Variants in USP42 observed in about 807,000 individuals in gnomAD.
USP42 encodes the protein ubiquitin carboxyl-terminal hydrolase 42.
A neutral mutation model predicts 113.0 loss-of-function variants in USP42; 23 were observed. The ratio of observed to expected loss-of-function variants is 0.20; its 90% CI spans 0.15 to 0.29. The LOEUF (loss-of-function observed/expected upper bound fraction) is 0.29. Ranked by LOEUF, USP42 falls within the 10% of genes least tolerant of loss-of-function variation. USP42 has a pLI of 1.00. For missense variants in USP42, 2,174 were observed against 1,779.8 expected (o/e 1.22, Z -3.99); for synonymous variants, 933 against 699.0 (o/e 1.33, Z -5.28).
chr7:6,126,655 G>A (rs1024318036), intron 3 of USP42, among the ~76,000 whole-genome samples: 4 of 152,112 alleles, frequency 2.6e-5, no homozygotes, highest in Non-Finnish European at 4.4e-5. Context: ...TTGGGATATC[G>A]TGAGTGGAGC....
chr7:6,102,407 C>G (rs543052604), upstream of USP42, among the ~76,000 whole-genome samples: 21 of 150,286 alleles, frequency 1.4e-4, no homozygotes, highest in Middle Eastern at 0.014. Flanking sequence ...CCACCACGCC[C>G]AGATTCTACT....
In USP42 at chr7:6,150,017, T is replaced by C; in HGVS notation, c.1821T>C (p.Tyr607=). ...TGAACTCCAGCGTGCTGGTGCCCTA[T>C]GGCGCCGAGTCCTCTGAGGACTCTG... The part of the protein sequence containing the change: ...SKLNSSVLVP[Y]GAESSEDSDE... Residue 607 remains tyrosine (Y), a synonymous_variant, in exon 13 of 18, where the codon TAT becomes TAC. Transcript: ENST00000306177. 6.2e-7 allele frequency: 1 copy of C among 1,612,918 alleles called. No individual in the cohort carries two copies.
the USP42 span, among the ~76,000 whole-genome samples, chr7:6,083,144 C>G: frequency 2.7e-5 from 4 of 149,382 alleles, no homozygotes; most frequent in East Asian, 3.9e-4. Context: ...AGGCTGGTCT[C>G]GAACTCCTGA....
At chr7:6,105,328 C>T (rs1351139380) in intron 1 of USP42, among the ~76,000 whole-genome samples, 1 of 148,032 alleles carries the variant, frequency 6.8e-6, no homozygotes, top group African/African-American at 2.4e-5. Flanking sequence ...CCCCTGGTTG[C>T]CATGGACACT....
intron 3 of USP42, among the ~76,000 whole-genome samples, chr7:6,120,893 A>C (rs776145860): frequency 6.6e-6 from 1 of 152,148 alleles, no homozygotes; most frequent in Non-Finnish European, 1.5e-5. Context: ...TGGAATAAAT[A>C]TTTTCATTAA....
At chr7:6,101,086 AG>A (rs1790114577), upstream of USP42, among the ~76,000 whole-genome samples, 1 of 150,992 alleles carries the variant, frequency 6.6e-6, no homozygotes, top group Admixed American at 6.6e-5. Context: ...AGGTAATGAA[AG>A]GAAAGGGCAG....
intron 14 of USP42, among the ~76,000 whole-genome samples, chr7:6,152,255 C>T (rs747549188): frequency 4.6e-5 from 7 of 152,154 alleles, no homozygotes; most frequent in South Asian, 2.1e-4. Context: ...CGGTGCCAGG[C>T]GCGGGTTCAT....
chr7:6,149,830 C>A lies in USP42; in HGVS notation c.1634C>A (p.Ser545Tyr), dbSNP rs781454564. Residue 545 changes from serine (S) to tyrosine (Y), a missense_variant, in exon 13 of 18, where the codon TCT becomes TAT. Coordinates refer to ENST00000306177, the MANE Select transcript of USP42 (RefSeq NM_032172.3). ...TCTCAACCTAACCTTCATAGTAATT[C>A]TTTGGAGAACCCTACCAAGCCCGTT... ...CQSQPNLHSN[S>Y]LENPTKPVPS... 2.5e-6 allele frequency: 4 copies of A among 1,613,916 alleles called. No individual in the cohort carries two copies. Among genetic ancestry groups the A allele is most frequent in the East Asian group, 2.2e-5 (1 of 44,904 alleles).
At chr7:6,116,827 A>G (rs1191820068) in intron 3 of USP42, 3 of 533,162 alleles carry the variant, frequency 5.6e-6, no homozygotes, top group East Asian at 5.5e-5. Context: ...CAGCTTTCCT[A>G]TCACTTTTGC....
chr7:6,142,392 A>G (rs1022298169), intron 7 of USP42, among the ~76,000 whole-genome samples: 3 of 151,562 alleles, frequency 2.0e-5, no homozygotes, highest in African/African-American at 4.9e-5. Flanking sequence ...AATTTTTTGT[A>G]TTTTTAGTAG....
At position 6,158,437 on chromosome 7, in the gene USP42, C is replaced by T. The variant is rs1004280053; in HGVS notation, c.3944-1013C>T. Among the ~76,000 whole-genome samples, 1 of 152,152 alleles carries T rather than the reference C, an allele frequency of 6.6e-6. No homozygotes were observed. Among genetic ancestry groups the T allele is most frequent in the African/African-American group, 2.4e-5 (1 of 41,448 alleles). On this transcript the variant is annotated intron_variant, in intron 16 of 17. Transcript: ENST00000306177. The surrounding 1 kb of genome is among the most constrained non-coding windows in gnomAD (Gnocchi z 4.2). Reference sequence around the variant, plus strand: ...GGCTGCCCTGAGGCCTTTTGCTTCTCGGCTGAGTTGTGGGTTAGGTGGAGC... The same window carrying T: ...GGCTGCCCTGAGGCCTTTTGCTTCTTGGCTGAGTTGTGGGTTAGGTGGAGC...
upstream of USP42, among the ~76,000 whole-genome samples, chr7:6,101,656 T>C (rs1268510469): frequency 6.6e-6 from 1 of 151,104 alleles, no homozygotes; most frequent in Non-Finnish European, 1.5e-5. Context: ...TGCTAGCTCC[T>C]TAGAGGAAAA....
At chr7:6,108,304 G>T in intron 1 of USP42, among the ~76,000 whole-genome samples, 1 of 152,126 alleles carries the variant, frequency 6.6e-6, no homozygotes, top group East Asian at 1.9e-4. Flanking sequence ...TTGGGAGGCA[G>T]AGGCAGGAGG....
At chr7:6,110,150 A>G (rs1269628595) in intron 1 of USP42, among the ~76,000 whole-genome samples, 4 of 152,142 alleles carry the variant, frequency 2.6e-5, no homozygotes, top group Admixed American at 6.6e-5. Flanking sequence ...AAGGTTTTCT[A>G]CATAGGAGTG....
At chr7:6,093,944 G>A in the USP42 span, among the ~76,000 whole-genome samples, 1 of 150,802 alleles carries the variant, frequency 6.6e-6, no homozygotes, top group Admixed American at 6.6e-5. Flanking sequence ...AGGCTGGAGT[G>A]CATGGCGCGA....
the USP42 span, among the ~76,000 whole-genome samples, chr7:6,086,406 C>T: frequency 4.6e-5 from 7 of 150,810 alleles, 1 homozygote; most frequent in East Asian, 5.8e-4. Context: ...AGGATTTCAC[C>T]GTGTTAGCCA....
At chr7:6,133,278 T>C (rs1416355017) in intron 3 of USP42, among the ~76,000 whole-genome samples, 1 of 152,260 alleles carries the variant, frequency 6.6e-6, no homozygotes, top group Non-Finnish European at 1.5e-5. Context: ...TTGTTATTTC[T>C]TGAAATATTT....
chr7:6,103,790 A>T (rs1790220410), upstream of USP42, among the ~76,000 whole-genome samples: 1 of 149,986 alleles, frequency 6.7e-6, no homozygotes, highest in African/African-American at 2.5e-5. Flanking sequence ...GCAGCGGCTC[A>T]CGCCTGTAAT....
In USP42 at chr7:6,139,358, T is replaced by TA. The variant is rs1275080325; in HGVS notation, c.656+168dup. The TA allele has an allele frequency of 7.7e-6, 4 of 518,828 alleles. No homozygotes were observed. The South Asian group carries it at 1.3e-4, about 17-fold the overall frequency. 32.1% of individuals were successfully genotyped at this position (518,828 alleles called of 1,614,324 possible). A position where few individuals can be genotyped will look rare whatever the true frequency, so the allele number is the denominator to read the frequency against. On this transcript the variant is annotated intron_variant, in intron 5 of 17. Transcript: ENST00000306177. The surrounding 1 kb of genome is among the most constrained non-coding windows in gnomAD (Gnocchi z 4.5). ...CTTCCTTAGGTGATGTGCATTATTT[T>TA]AAAATGGTTGAAATTTACACGTGTG...
Sources: gnomAD v4.1 joint callset for allele counts (sites outside exome capture counted in the v4.1 genomes callset) on GRCh38, gnomAD v4.1.1 for gene constraint, Gnocchi (gnomAD v3.1) non-coding constraint, MANE v1.5 for transcripts, NCBI Gene and HGNC (gene_info 2026-07-23, HGNC 2026-07-21) for gene names.